The following THSD1 variants were observed in gnomAD, a reference collection of about 807,000 sequenced individuals.
THSD1 encodes the protein thrombospondin type-1 domain-containing protein 1.
THSD1 carries 34 observed loss-of-function variants against 46.3 expected under a neutral mutation model. That is an observed-to-expected ratio of 0.74 (90% confidence interval 0.56 to 0.98). The LOEUF (loss-of-function observed/expected upper bound fraction) is 0.98, where lower values mean the gene tolerates loss of function less well. Ranked by LOEUF, THSD1 falls within the 50% of genes least tolerant of loss-of-function variation. THSD1 has a pLI of 0.00. For missense variants in THSD1, 1,023 were observed against 1,058.3 expected (o/e 0.97, Z 0.46); for synonymous variants, 407 against 416.5 (o/e 0.98, Z 0.28).
chr13:52,404,880 T>C lies in THSD1; in HGVS notation c.-82+1151A>G, dbSNP rs150611031. ...TGAAAATGATCGGTAAAACATAGAA[T>C]GGTGAGACAATCTATATTTAGAGCT... On this transcript the variant is annotated intron_variant, in intron 1 of 4. Coordinates refer to ENST00000258613, the MANE Select transcript of THSD1 (RefSeq NM_018676.4). Among the ~76,000 whole-genome samples the C allele has an allele frequency of 6.5e-3, 994 of 152,302 alleles. 4 individuals are homozygous for C. Among genetic ancestry groups the C allele is most frequent in the African/African-American group, 0.016 (674 of 41,556 alleles).
Position 52,398,233 on chromosome 13 carries a change from A to G in THSD1, c.59-39T>C, listed in dbSNP as rs757054175. Reference sequence around the variant, plus strand: ...GTCAGAATTGGTTTTTAAAAGGTGCATTTGAGAAGAACTATTAGTGACATT... The same window carrying G: ...GTCAGAATTGGTTTTTAAAAGGTGCGTTTGAGAAGAACTATTAGTGACATT... On this transcript the variant is annotated intron_variant, in intron 2 of 4. Coordinates refer to ENST00000258613, the MANE Select transcript of THSD1 (RefSeq NM_018676.4). The G allele has an allele frequency of 2.5e-6, 4 of 1,571,060 alleles. No individual in the cohort carries two copies. In the African/African-American group the frequency reaches 5.4e-5, roughly 21 times the overall value.
intron 3 of THSD1, among the ~76,000 whole-genome samples, chr13:52,396,565 G>C (rs963475627): frequency 3.9e-5 from 6 of 152,024 alleles, no homozygotes; most frequent in African/African-American, 1.4e-4. Flanking sequence ...AAACGAACGA[G>C]ACCATTTCTG....
chr13:52,397,999 G>A lies in THSD1; in HGVS notation c.254C>T (p.Thr85Ile), dbSNP rs1957825046. 1.9e-6 allele frequency: 3 copies of A among 1,614,238 alleles called. No homozygotes were observed. Among genetic ancestry groups the A allele is most frequent in the South Asian group, 1.1e-5 (1 of 91,090 alleles). Reference sequence around the variant, plus strand: ...GAAATAGAAGCACTCAAACTTTAGTGTTCCCTGGGACTGGTTGGTCAGGAG... The same window carrying A: ...GAAATAGAAGCACTCAAACTTTAGTATTCCCTGGGACTGGTTGGTCAGGAG... ...KYLLTNQSQGTLKFECFYFKE... is the reference protein window; with the variant it reads ...KYLLTNQSQGILKFECFYFKE... Residue 85 changes from threonine to isoleucine, a missense_variant, in exon 3 of 5, where the codon ACA becomes ATA. Transcript: ENST00000258613.
chr13:52,384,618 C>T (rs1026071141), intron 4 of THSD1, among the ~76,000 whole-genome samples: 2 of 152,092 alleles, frequency 1.3e-5, no homozygotes, highest in African/African-American at 4.8e-5. Context: ...ATGGTAATAA[C>T]AATAAATAAA....
intron 3 of THSD1, among the ~76,000 whole-genome samples, chr13:52,396,701 A>G (rs962445570): frequency 6.6e-6 from 1 of 152,198 alleles, no homozygotes; most frequent in Admixed American, 6.5e-5. Flanking sequence ...GGGGCATTAC[A>G]TAAAGAATAC....
At chr13:52,382,136 A>G (rs1297528020) in intron 4 of THSD1, among the ~76,000 whole-genome samples, 1 of 152,194 alleles carries the variant, frequency 6.6e-6, no homozygotes, top group Non-Finnish European at 1.5e-5. Context: ...TAGCTCTACT[A>G]TCTCCATTGG....
At position 52,378,129 on chromosome 13, in the gene THSD1, G is replaced by A. The variant is rs1479466667; in HGVS notation, c.1841C>T (p.Ala614Val). ...PSRLDLNVTQ[A>V]SCAISPSQTL... ...CTGGCTGGGGCTTATGGCACAACTG[G>A]CCTGAGTCACATTTAGATCCAGCCT... is the stretch of plus-strand genomic sequence containing the variant. Residue 614 changes from alanine to valine, a missense_variant, in exon 5 of 5, where the codon GCC becomes GTC. Transcript: ENST00000258613. 2 of 1,614,074 alleles carry A rather than the reference G, an allele frequency of 1.2e-6. No individual in the cohort carries two copies. The highest frequency in any genetic ancestry group is 2.2e-5 in the East Asian group (1 of 44,886).
intron 4 of THSD1, among the ~76,000 whole-genome samples, chr13:52,380,181 C>T (rs554869561): frequency 2.6e-5 from 4 of 152,260 alleles, no homozygotes; most frequent in African/African-American, 9.6e-5. Context: ...GAGCCTCCAC[C>T]TGTACTGCCA....
intron 4 of THSD1, chr13:52,384,396 C>T (rs1478571386): frequency 2.9e-5 from 13 of 455,884 alleles, no homozygotes; most frequent in Non-Finnish European, 5.3e-5. Context: ...GACAGGCCAC[C>T]CACCCTCCCT....
At chr13:52,392,211 A>G (rs891088611) in intron 3 of THSD1, among the ~76,000 whole-genome samples, 2 of 149,886 alleles carry the variant, frequency 1.3e-5, no homozygotes, top group Non-Finnish European at 3.0e-5. Context: ...AAAAAAAAAA[A>G]GTAAAATCAT....
intron 3 of THSD1, 143 bp downstream of exon 3, chr13:52,397,089 A>T (rs1957817517): frequency 1.4e-6 from 1 of 723,672 alleles, no homozygotes; most frequent in Non-Finnish European, 2.2e-6. Flanking sequence ...TTTTCAGCTA[A>T]GGGTGATAAT....
At chr13:52,387,088 A>G (rs541298003) in intron 3 of THSD1, among the ~76,000 whole-genome samples, 3 of 152,270 alleles carry the variant, frequency 2.0e-5, no homozygotes, top group Admixed American at 2.0e-4. Context: ...ATATCAAATA[A>G]CAACAGTCTA....
Position 52,377,954 on chromosome 13 carries a change from A to C in THSD1, c.2016T>G (p.Thr672=). 1.2e-6 allele frequency: 2 copies of C among 1,614,132 alleles called. No individual in the cohort carries two copies. The highest frequency in any genetic ancestry group is 1.7e-6 in the Non-Finnish European group (2 of 1,180,028). The change falls in exon 5 of 5, where the codon ACT becomes ACG. Residue 672 remains threonine (T), a synonymous_variant. Coordinates refer to ENST00000258613, the MANE Select transcript of THSD1 (RefSeq NM_018676.4). ...AGGCAGGGGCCTGCCGTGGAGTCAG[A>C]GTGGACATGCTCCTCTCTCGGAACG... The part of the protein sequence containing the change: ...ARPFRERSMS[T]LTPRQAPAYS...
At chr13:52,385,955 G>T in intron 4 of THSD1, 73 bp downstream of exon 4, 1 of 1,419,318 alleles carries the variant, frequency 7.0e-7, no homozygotes, top group Non-Finnish European at 9.7e-7. Flanking sequence ...TAACTCTCAG[G>T]CAGGCCTGGG....
chr13:52,402,455 A>G (rs1389128484), intron 2 of THSD1, 88 bp downstream of exon 2: 10 of 1,339,646 alleles, frequency 7.5e-6, no homozygotes, highest in Non-Finnish European at 1.1e-5. Flanking sequence ...TGCCTCCTTC[A>G]GGAAGAGTCA....
intron 3 of THSD1, among the ~76,000 whole-genome samples, chr13:52,390,916 C>A (rs1233723897): frequency 6.6e-6 from 1 of 151,888 alleles, no homozygotes; most frequent in Non-Finnish European, 1.5e-5. Flanking sequence ...GAAAAAAAAT[C>A]AGTTTTGATT....
intron 4 of THSD1, among the ~76,000 whole-genome samples, chr13:52,379,374 T>C (rs1222413673): frequency 6.6e-6 from 1 of 152,134 alleles, no homozygotes; most frequent in Non-Finnish European, 1.5e-5. Context: ...CGAGGTGACC[T>C]GGTAAGCCAT....
rs1209007680 is a variant in THSD1 at position 52,378,460 on chromosome 13, C to G, written c.1510G>C (p.Val504Leu). The G allele has an allele frequency of 1.2e-6, 2 of 1,614,178 alleles. No individual in the cohort carries two copies. Among genetic ancestry groups the G allele is most frequent in the Non-Finnish European group, 1.7e-6 (2 of 1,180,028 alleles). Residue 504 changes from valine to leucine, a missense_variant, in exon 5 of 5, where the codon GTA becomes CTA. Physicochemically the swap from Val to Leu is conservative, Grantham distance 32 (BLOSUM62 1). This residue lies in a region of THSD1 where 578 missense variants were observed against 497.4 expected (regional missense o/e 1.16). Coordinates refer to ENST00000258613, the MANE Select transcript of THSD1 (RefSeq NM_018676.4). ...IPLTYRRSGP[V>L]PPEDDASGSE... ...CCAGAGGCATCATCCTCGGGAGGTA[C>G]CGGCCCGCTCCGCCTGTAGGTCAGA...
At chr13:52,380,669 C>T (rs754631442) in intron 4 of THSD1, among the ~76,000 whole-genome samples, 1 of 151,986 alleles carries the variant, frequency 6.6e-6, no homozygotes, top group Admixed American at 6.6e-5. Flanking sequence ...AGGATGGCCT[C>T]GATCTCCTGA....
Sources: allele counts gnomAD v4.1 joint callset (sites outside exome capture counted in the v4.1 genomes callset), GRCh38; gene constraint gnomAD v4.1.1; regional missense constraint gnomAD v4.1.1; transcripts MANE v1.5; gene names NCBI Gene and HGNC (gene_info 2026-07-23, HGNC 2026-07-21).